Variants in NYAP2 observed in about 807,000 individuals in gnomAD.
NYAP2 encodes neuronal tyrosine-phosphorylated phosphoinositide-3-kinase adapter 2.
NYAP2 carries 23 observed loss-of-function variants against 50.4 expected under a neutral mutation model. The observed-to-expected ratio is 0.46, with a 90% CI of 0.33 to 0.65. The LOEUF (loss-of-function observed/expected upper bound fraction) is 0.65, where lower values mean the gene tolerates loss of function less well. Ranked by LOEUF, NYAP2 falls within the 30% of genes least tolerant of loss-of-function variation. The probability of loss-of-function intolerance (pLI) is 0.02; values close to 1 mark genes in which losing one functional copy is unlikely to be tolerated. For synonymous variants in NYAP2, 394 were observed against 365.2 expected, an observed-to-expected ratio of 1.08 and a Z score of -0.90; for missense variants, 885 against 861.0, an observed-to-expected ratio of 1.03 and a Z score of -0.35.
chr2:225,627,139 A>G lies in NYAP2; in HGVS notation c.1828+13A>G, dbSNP rs1427621099. On this transcript the variant is annotated intron_variant, in intron 6 of 6. Transcript: ENST00000636099. ...AACCACAGTTCAGGTAAGGCAGATT[A>G]TGATCTTCCAGAAGGTAATTCCTCC... 6.4e-7 allele frequency: 1 copy of G among 1,559,532 alleles called. No individual in the cohort carries two copies. Among genetic ancestry groups the G allele is most frequent in the East Asian group, 2.4e-5 (1 of 42,330 alleles).
chr2:225,416,540 C>T (rs1447967547), intron 3 of NYAP2, among the ~76,000 whole-genome samples: 1 of 152,086 alleles, frequency 6.6e-6, no homozygotes, highest in Admixed American at 6.6e-5. Context: ...TATAAATTTA[C>T]AATTTACATT....
intron 4 of NYAP2, among the ~76,000 whole-genome samples, chr2:225,579,321 G>C (rs894241378): frequency 6.6e-6 from 1 of 152,030 alleles, no homozygotes; most frequent in Admixed American, 6.5e-5. Flanking sequence ...AATCTCACAG[G>C]CACCATAAGA....
intron 5 of NYAP2, among the ~76,000 whole-genome samples, chr2:225,587,107 C>T (rs1275408806): frequency 6.6e-6 from 1 of 152,142 alleles, no homozygotes; most frequent in Admixed American, 6.5e-5. Flanking sequence ...TGGGGAAAAC[C>T]ACCCCCATGA....
chr2:225,426,551 A>T (rs866532723), intron 3 of NYAP2, among the ~76,000 whole-genome samples: 1 of 152,186 alleles, frequency 6.6e-6, no homozygotes, highest in Non-Finnish European at 1.5e-5. Flanking sequence ...TTATTAATGA[A>T]TGAATAGGAA....
In NYAP2 at chr2:225,413,224, C is replaced by T. The variant is rs561856773; in HGVS notation, c.221+4123C>T. On this transcript the variant is annotated intron_variant, in intron 3 of 6. Coordinates refer to ENST00000636099, the Ensembl canonical transcript of NYAP2. ...TGTCTTTCTTTTCCAAAATCAGGAC[C>T]CACGTACAGTGTGAGGACAGAGATA... 1.5e-4 allele frequency among the ~76,000 whole-genome samples: 23 copies of T among 151,976 alleles called. No individual in the cohort carries two copies. The South Asian group carries it at 2.5e-3, about 17-fold the overall frequency.
chr2:225,550,310 T>TTG (rs34313067), intron 4 of NYAP2, among the ~76,000 whole-genome samples: 1 of 151,798 alleles, frequency 6.6e-6, no homozygotes, highest in Non-Finnish European at 1.5e-5. Flanking sequence ...ATTCTTTTTT[T>TTG]TTCACTTTCC....
At chr2:225,518,543 T>G (rs1240179951) in intron 4 of NYAP2, among the ~76,000 whole-genome samples, 5 of 68,700 alleles carry the variant, frequency 7.3e-5, no homozygotes, top group African/African-American at 2.6e-4. Context: ...TATATATATA[T>G]ATATATATAT....
At chr2:225,683,622 C>G in the NYAP2 span, among the ~76,000 whole-genome samples, 3 of 152,162 alleles carry the variant, frequency 2.0e-5, no homozygotes, top group Non-Finnish European at 4.4e-5. Context: ...ACATACATGT[C>G]TCTTTTAGAC....
intron 4 of NYAP2, among the ~76,000 whole-genome samples, chr2:225,580,729 T>C (rs1365590665): frequency 6.6e-6 from 1 of 151,992 alleles, no homozygotes; most frequent in African/African-American, 2.4e-5. Context: ...TCCTTTACCA[T>C]GTTTTAGTAA....
chr2:225,601,989 AT>A (rs552777996), intron 5 of NYAP2, among the ~76,000 whole-genome samples: 3 of 152,260 alleles, frequency 2.0e-5, no homozygotes, highest in Admixed American at 6.5e-5. Context: ...TATTGCCATG[AT>A]TTTTTTGTCT....
At chr2:225,674,902 A>T in the NYAP2 span, among the ~76,000 whole-genome samples, 5 of 152,220 alleles carry the variant, frequency 3.3e-5, no homozygotes, top group East Asian at 9.7e-4. Context: ...TTCCAGTAAC[A>T]TACTGATTTT....
chr2:225,411,973 AATTT>A (rs549212663), intron 3 of NYAP2, among the ~76,000 whole-genome samples: 29 of 149,524 alleles, frequency 1.9e-4, no homozygotes, highest in African/African-American at 6.3e-4. Flanking sequence ...CTAAATAAAT[AATTT>A]ACAAATAATA....
intron 5 of NYAP2, among the ~76,000 whole-genome samples, chr2:225,610,698 A>ATACATTCAT (rs1449430089): frequency 2.0e-5 from 3 of 152,186 alleles, no homozygotes; most frequent in Non-Finnish European, 4.4e-5. Context: ...TCAGTAGGCC[A>ATACATTCAT]TACATTCATA....
intron 3 of NYAP2, among the ~76,000 whole-genome samples, chr2:225,470,009 A>G (rs1412416404): frequency 1.3e-5 from 2 of 152,214 alleles, no homozygotes; most frequent in African/African-American, 2.4e-5. Flanking sequence ...TAATAAAAAA[A>G]TACTAGCTAA....
At chr2:225,538,990 C>G (rs902644773) in intron 4 of NYAP2, among the ~76,000 whole-genome samples, 1 of 151,930 alleles carries the variant, frequency 6.6e-6, no homozygotes. Flanking sequence ...TGCTATCCCT[C>G]CCCTAGCCCT....
intron 3 of NYAP2, among the ~76,000 whole-genome samples, chr2:225,409,329 C>T (rs188951375): frequency 6.6e-6 from 1 of 152,116 alleles, no homozygotes; most frequent in East Asian, 1.9e-4. Flanking sequence ...TATGCAGCTA[C>T]AGACAGGATG....
intron 3 of NYAP2, among the ~76,000 whole-genome samples, chr2:225,473,689 T>A (rs1380939441): frequency 4.6e-5 from 7 of 152,200 alleles, no homozygotes; most frequent in African/African-American, 1.4e-4. Context: ...GTTTGAGTTC[T>A]TTGTAGATTC....
At chr2:225,683,525 G>C in the NYAP2 span, among the ~76,000 whole-genome samples, 1 of 152,050 alleles carries the variant, frequency 6.6e-6, no homozygotes, top group Non-Finnish European at 1.5e-5. Context: ...TTATCTTAAT[G>C]AGAAGTAAGT....
Position 225,412,255 on chromosome 2 carries a change from C to CTTTTTTTTTTTTTTTTT in NYAP2, c.221+3164_221+3180dup, listed in dbSNP as rs560637948. ...TACAGGCGTGAGCCACTGCGCCCGG[C>CTTTTTTTTTTTTTTTTT]TTTTTTTTTTTTTTTTTTTTTTTTT... On this transcript the variant is annotated intron_variant, in intron 3 of 6. Transcript: ENST00000636099. Among the ~76,000 whole-genome samples the CTTTTTTTTTTTTTTTTT allele has an allele frequency of 3.0e-4, 18 of 59,148 alleles. 4 individuals are homozygous for CTTTTTTTTTTTTTTTTT. Among genetic ancestry groups the CTTTTTTTTTTTTTTTTT allele is most frequent in the Admixed American group, 5.8e-4 (2 of 3,424 alleles). The allele number at this position is 59,148 out of a possible 152,430, so 38.8% of individuals were successfully genotyped here.
Sources: allele counts gnomAD v4.1 joint callset (sites outside exome capture counted in the v4.1 genomes callset), GRCh38; gene constraint gnomAD v4.1.1; transcripts MANE v1.5; gene names NCBI Gene and HGNC (gene_info 2026-07-23, HGNC 2026-07-21).